The following CSTPP1 variants were observed in gnomAD, a reference collection of about 807,000 sequenced individuals.
CSTPP1 encodes the protein centriolar satellite-associated tubulin polyglutamylase complex regulator 1.
chr11:46,941,677 A>C, the CSTPP1 span, among the ~76,000 whole-genome samples: 1 of 151,736 alleles, frequency 6.6e-6, no homozygotes, highest in Admixed American at 6.6e-5. Context: ...GTTTAAAACC[A>C]CTCCCTACAG....
At chr11:47,103,860 G>A in the CSTPP1 span, 13 of 151,460 alleles carry the variant, frequency 8.6e-5, no homozygotes, top group East Asian at 2.3e-3. Context: ...TTAATTAATG[G>A]GGTCTCACTA....
the CSTPP1 span, among the ~76,000 whole-genome samples, chr11:46,968,688 C>T: frequency 2.0e-5 from 3 of 151,692 alleles, no homozygotes; most frequent in African/African-American, 7.3e-5. Flanking sequence ...ATCACGAGGT[C>T]AGGAGTTCGA....
chr11:47,019,303 A>G, the CSTPP1 span, among the ~76,000 whole-genome samples: 101,837 of 152,060 alleles, frequency 0.67, 34,624 homozygotes, highest in African/African-American at 0.73. Context: ...GAGCCACCGC[A>G]CCTGGCCTGG....
At chr11:47,098,996 A>G in the CSTPP1 span, among the ~76,000 whole-genome samples, 1 of 152,082 alleles carries the variant, frequency 6.6e-6, no homozygotes, top group African/African-American at 2.4e-5. Flanking sequence ...GTGATAAACC[A>G]TGGGACTGAC....
chr11:47,078,444 A>G, the CSTPP1 span, among the ~76,000 whole-genome samples: 4 of 152,216 alleles, frequency 2.6e-5, no homozygotes, highest in Non-Finnish European at 4.4e-5. Flanking sequence ...AGTTGAGTCT[A>G]TGAAAGATTT....
the CSTPP1 span, among the ~76,000 whole-genome samples, chr11:46,996,548 C>T: frequency 1.3e-5 from 2 of 152,064 alleles, no homozygotes; most frequent in Non-Finnish European, 1.5e-5. Context: ...GTGATCCGCC[C>T]GTCTCGGTCT....
At chr11:47,151,827 C>T in the CSTPP1 span, among the ~76,000 whole-genome samples, 1 of 151,988 alleles carries the variant, frequency 6.6e-6, no homozygotes, top group Non-Finnish European at 1.5e-5. Flanking sequence ...CCGCTTCACT[C>T]GCCCCCTACT....
the CSTPP1 span, among the ~76,000 whole-genome samples, chr11:46,994,413 A>G: frequency 2.6e-5 from 4 of 151,946 alleles, no homozygotes; most frequent in Admixed American, 2.0e-4. Context: ...TGGCTGTGGG[A>G]TTGTCATAAA....
the CSTPP1 span, among the ~76,000 whole-genome samples, chr11:47,150,878 T>C: frequency 7.8e-6 from 1 of 128,778 alleles, no homozygotes. Flanking sequence ...GGGAAGACTG[T>C]GAAGGTTTTT....
At chr11:47,156,927 C>G in the CSTPP1 span, 6 of 1,321,484 alleles carry the variant, frequency 4.5e-6, no homozygotes, top group Non-Finnish European at 5.2e-6. Flanking sequence ...TGGTGTGGAA[C>G]TGGGCTGACA....
the CSTPP1 span, among the ~76,000 whole-genome samples, chr11:47,015,559 T>G: frequency 6.6e-6 from 1 of 152,002 alleles, no homozygotes; most frequent in African/African-American, 2.4e-5. Flanking sequence ...GCTTCACTGG[T>G]GAATTCTACC....
the CSTPP1 span, among the ~76,000 whole-genome samples, chr11:46,960,155 C>T: frequency 6.6e-6 from 1 of 152,204 alleles, no homozygotes; most frequent in African/African-American, 2.4e-5. Context: ...GCGTGAGCCA[C>T]TGCACTGGGC....
chr11:47,063,444 C>CA, the CSTPP1 span, among the ~76,000 whole-genome samples: 4 of 152,152 alleles, frequency 2.6e-5, no homozygotes, highest in African/African-American at 9.7e-5. Flanking sequence ...CTTTATCTTG[C>CA]AAAACCGAAA....
the CSTPP1 span, chr11:47,161,235 C>A: frequency 1.2e-6 from 2 of 1,613,910 alleles, no homozygotes; most frequent in Admixed American, 1.7e-5. Flanking sequence ...GGGGGCCAGA[C>A]GGGTCGGACA....
the CSTPP1 span, among the ~76,000 whole-genome samples, chr11:46,982,366 G>C: frequency 6.6e-6 from 1 of 151,990 alleles, no homozygotes; most frequent in African/African-American, 2.4e-5. Context: ...GTGTGCATCT[G>C]TTAATATCAT....
At chr11:46,994,478 A>G in the CSTPP1 span, among the ~76,000 whole-genome samples, 372 of 152,292 alleles carry the variant, frequency 2.4e-3, 1 homozygote, top group African/African-American at 8.1e-3. Context: ...GAGAGTTTTT[A>G]GCAGGAAGGG....
chr11:47,143,963 A>G, the CSTPP1 span, among the ~76,000 whole-genome samples: 1 of 152,234 alleles, frequency 6.6e-6, no homozygotes, highest in African/African-American at 2.4e-5. Context: ...ACCTTGACCT[A>G]GAAGAACACA....
At chr11:47,047,299 G>T in the CSTPP1 span, among the ~76,000 whole-genome samples, 1 of 152,088 alleles carries the variant, frequency 6.6e-6, no homozygotes, top group Non-Finnish European at 1.5e-5. Flanking sequence ...CTTGAAAAAA[G>T]AATATAAAAT....
the CSTPP1 span, among the ~76,000 whole-genome samples, chr11:47,096,787 T>C: frequency 8.6e-5 from 13 of 151,406 alleles, no homozygotes; most frequent in African/African-American, 2.9e-4. Flanking sequence ...TTCTAAACAA[T>C]TTCTGCAATG....
Sources: allele counts gnomAD v4.1 joint callset (sites outside exome capture counted in the v4.1 genomes callset), GRCh38; gene constraint gnomAD v4.1.1; transcripts MANE v1.5; gene names NCBI Gene and HGNC (gene_info 2026-07-23, HGNC 2026-07-21).